The following HPSE2 variants were observed in gnomAD, a reference collection of about 807,000 sequenced individuals.
The protein encoded by HPSE2 is heparanase 2 (inactive).
Under a neutral mutation model 60.5 loss-of-function variants are expected in HPSE2, and 38 were observed. The observed-to-expected ratio is 0.63, with a 90% CI of 0.48 to 0.82. The LOEUF is 0.82. Ranked by LOEUF, HPSE2 falls within the 40% of genes least tolerant of loss-of-function variation. The probability of loss-of-function intolerance (pLI) is 0.00; values close to 1 mark genes in which losing one functional copy is unlikely to be tolerated. For missense variants in HPSE2, 713 were observed against 740.4 expected, an observed-to-expected ratio of 0.96 and a Z score of 0.43; for synonymous variants, 295 against 293.2, an observed-to-expected ratio of 1.01 and a Z score of -0.06.
the HPSE2 span, among the ~76,000 whole-genome samples, chr10:99,305,937 T>C: frequency 1.5e-4 from 18 of 119,020 alleles, no homozygotes; most frequent in African/African-American, 6.0e-4. Flanking sequence ...AAGAAATCAA[T>C]AGAAAATATC....
intron 3 of HPSE2, among the ~76,000 whole-genome samples, chr10:99,134,815 T>C (rs1296210389): frequency 6.6e-6 from 1 of 152,100 alleles, no homozygotes; most frequent in Non-Finnish European, 1.5e-5. Flanking sequence ...CATCAACTAA[T>C]GGGCAAAACA....
At chr10:99,164,845 G>C (rs943769117) in intron 2 of HPSE2, among the ~76,000 whole-genome samples, 1 of 152,056 alleles carries the variant, frequency 6.6e-6, no homozygotes, top group African/African-American at 2.4e-5. Flanking sequence ...CAGCACTTTG[G>C]GAGGCCGACG....
At chr10:98,616,133 A>T (rs1465395386) in intron 8 of HPSE2, among the ~76,000 whole-genome samples, 3 of 151,844 alleles carry the variant, frequency 2.0e-5, no homozygotes, top group Admixed American at 2.0e-4. Context: ...TCATATATTA[A>T]TCTCCAAATC....
chr10:98,935,510 C>T (rs1954763204), intron 3 of HPSE2, among the ~76,000 whole-genome samples: 2 of 143,980 alleles, frequency 1.4e-5, no homozygotes, highest in Admixed American at 1.4e-4. Context: ...TTTTTGCTTT[C>T]TATTTGTTTC....
Position 98,555,923 on chromosome 10 carries a change from TAA to T in HPSE2, c.1320+58979_1320+58980del, listed in dbSNP as rs564591435. Among the ~76,000 whole-genome samples, 15 of 152,262 alleles carry T rather than the reference TAA, an allele frequency of 9.9e-5. No individual in the cohort carries two copies. The East Asian group carries it at 2.7e-3, about 27-fold the overall frequency. ...CTGAGCTTGCTTGCTTGAGGTAGAA[TAA>T]AGAGTCCTGAAAACTGTCACAGCCT... On this transcript the variant is annotated intron_variant, in intron 9 of 11. Transcript: ENST00000370552.
chr10:98,965,852 T>C (rs1717783645), intron 3 of HPSE2, among the ~76,000 whole-genome samples: 1 of 152,184 alleles, frequency 6.6e-6, no homozygotes, highest in African/African-American at 2.4e-5. Flanking sequence ...CCTCTTTGTA[T>C]GCCCTGTTCA....
At chr10:98,918,527 T>C (rs964229100) in intron 3 of HPSE2, among the ~76,000 whole-genome samples, 4 of 150,354 alleles carry the variant, frequency 2.7e-5, no homozygotes, top group South Asian at 2.1e-4. Flanking sequence ...ATGTCCTTTG[T>C]AGGGACATGG....
chr10:99,078,456 T>C (rs753809515), intron 3 of HPSE2, among the ~76,000 whole-genome samples: 1 of 152,176 alleles, frequency 6.6e-6, no homozygotes, highest in Non-Finnish European at 1.5e-5. Flanking sequence ...ACCTATACAA[T>C]GTAAATGCTA....
chr10:98,897,842 A>T (rs1953539114), intron 3 of HPSE2, among the ~76,000 whole-genome samples: 1 of 152,168 alleles, frequency 6.6e-6, no homozygotes, highest in South Asian at 2.1e-4. Flanking sequence ...AAAATTGATT[A>T]GTTAGCCTTT....
intron 3 of HPSE2, among the ~76,000 whole-genome samples, chr10:98,941,933 A>G (rs1486551502): frequency 7.0e-6 from 1 of 142,510 alleles, no homozygotes; most frequent in Non-Finnish European, 1.5e-5. Flanking sequence ...CCACATATCT[A>G]CAGCTATCTG....
In HPSE2 at chr10:98,938,812, A is replaced by G. The variant is rs1393924752; in HGVS notation, c.611-194756T>C. 4.2e-5 allele frequency among the ~76,000 whole-genome samples: 6 copies of G among 144,036 alleles called. 1 individual carries two copies. The highest frequency in any genetic ancestry group is 1.7e-4 in the African/African-American group (6 of 35,388). The allele number at this position is 144,036 out of a possible 152,430, so 94.5% of individuals were successfully genotyped here. ...ATTCACCAAAGTTGAAATGAAGGAA[A>G]AAATGTTAAGGGCAGACAGAGAGAA... is the stretch of plus-strand genomic sequence containing the variant. On this transcript the variant is annotated intron_variant, in intron 3 of 11. Transcript: ENST00000370552.
chr10:98,694,339 A>T (rs1565085522), intron 5 of HPSE2, among the ~76,000 whole-genome samples: 3 of 152,208 alleles, frequency 2.0e-5, no homozygotes, highest in Non-Finnish European at 4.4e-5. Flanking sequence ...TTTCCCAAGG[A>T]TGACAGCACA....
chr10:98,468,047 T>C (rs2133597572), intron 11 of HPSE2, among the ~76,000 whole-genome samples: 1 of 152,352 alleles, frequency 6.6e-6, no homozygotes, highest in East Asian at 1.9e-4. Context: ...TGTTTGTGCT[T>C]TGCAGGCTCC....
intron 3 of HPSE2, among the ~76,000 whole-genome samples, chr10:98,827,498 G>C (rs369682460): frequency 2.0e-5 from 3 of 152,086 alleles, no homozygotes; most frequent in African/African-American, 7.2e-5. Context: ...GAGCCACTGC[G>C]CCCGGCCCTA....
intron 3 of HPSE2, among the ~76,000 whole-genome samples, chr10:99,010,441 C>T (rs763456179): frequency 2.6e-5 from 4 of 152,134 alleles, no homozygotes; most frequent in Non-Finnish European, 5.9e-5. Flanking sequence ...ATTTACTTGA[C>T]TCCTATTGAT....
the HPSE2 span, among the ~76,000 whole-genome samples, chr10:99,304,609 G>A: frequency 1.3e-5 from 2 of 152,192 alleles, no homozygotes; most frequent in African/African-American, 4.8e-5. Context: ...GAGCTACAAA[G>A]GCAATAAGGA....
chr10:98,626,947 G>C (rs1589530462), intron 7 of HPSE2, among the ~76,000 whole-genome samples: 2 of 152,018 alleles, frequency 1.3e-5, no homozygotes, highest in African/African-American at 4.8e-5. Context: ...CTAATTTTTT[G>C]TATTTTTAGT....
chr10:99,229,378 G>T (rs1197072075), intron 2 of HPSE2, among the ~76,000 whole-genome samples: 1 of 151,986 alleles, frequency 6.6e-6, no homozygotes, highest in African/African-American at 2.4e-5. Context: ...TCTACCTTCT[G>T]CCTTCTGTAA....
intron 2 of HPSE2, among the ~76,000 whole-genome samples, chr10:99,203,384 A>G (rs2133889974): frequency 6.6e-6 from 1 of 152,168 alleles, no homozygotes; most frequent in South Asian, 2.1e-4. Context: ...ACACCTGGCC[A>G]GTCCCTGTGG....
Sources: gnomAD v4.1 joint callset for allele counts (sites outside exome capture counted in the v4.1 genomes callset) on GRCh38, gnomAD v4.1.1 for gene constraint, MANE v1.5 for transcripts, NCBI Gene and HGNC (gene_info 2026-07-23, HGNC 2026-07-21) for gene names.